The following BCL2 variants were observed in gnomAD, a reference collection of about 807,000 sequenced individuals.
BCL2 encodes the protein apoptosis regulator Bcl-2.
BCL2 carries 1 observed loss-of-function variant against 14.2 expected under a neutral mutation model. The ratio of observed to expected loss-of-function variants is 0.07; its 90% confidence interval spans 0.02 to 0.33. BCL2 has a LOEUF of 0.33. BCL2 is among the 10% of genes least tolerant of loss of function. The probability of loss-of-function intolerance (pLI) is 0.99; values close to 1 mark genes in which losing one functional copy is unlikely to be tolerated. For synonymous variants in BCL2, 151 were observed against 137.2 expected (o/e 1.10, Z -0.70); for missense variants, 247 against 305.9 (o/e 0.81, Z 1.44).
rs574239785 is a variant in BCL2 at position 63,190,736 on chromosome 18, C to T, written c.586-61977G>A. Among the ~76,000 whole-genome samples, 4 of 152,070 alleles carry T rather than the reference C, an allele frequency of 2.6e-5. No individual in the cohort carries two copies. The East Asian group carries it at 7.7e-4, about 29-fold the overall frequency. ...CTTTAAGTTCTGGGATACATGTGCA[C>T]CATGTACAGGCTTGTGACATAGGTA... On this transcript the variant is annotated intron_variant, in intron 2 of 2. Transcript: ENST00000333681.
At chr18:63,206,356 C>A (rs778880306) in intron 2 of BCL2, among the ~76,000 whole-genome samples, 1 of 152,240 alleles carries the variant, frequency 6.6e-6, no homozygotes, top group Non-Finnish European at 1.5e-5. Flanking sequence ...AGTGCACACG[C>A]TTGTCTCAAG....
At chr18:63,166,320 T>C (rs1915043416) in intron 2 of BCL2, among the ~76,000 whole-genome samples, 1 of 152,062 alleles carries the variant, frequency 6.6e-6, no homozygotes, top group African/African-American at 2.4e-5. Context: ...CGAGAGGATT[T>C]GGACTGGGGG....
intron 2 of BCL2, among the ~76,000 whole-genome samples, chr18:63,255,655 T>C (rs577685459): frequency 6.6e-6 from 1 of 152,184 alleles, no homozygotes; most frequent in African/African-American, 2.4e-5. Context: ...TACTCACTTC[T>C]TAACCTCAGT....
intron 2 of BCL2, among the ~76,000 whole-genome samples, chr18:63,150,839 ATCAGGTTT>A: frequency 6.6e-6 from 1 of 152,240 alleles, no homozygotes; most frequent in African/African-American, 2.4e-5. Context: ...AGAATGAGTT[ATCAGGTTT>A]GGGGGTGAGA....
rs1396947640 is a variant in BCL2, at chr18:63,126,087, G to A, written c.*2538C>T. 6 of 216,576 alleles carry A rather than the reference G, an allele frequency of 2.8e-5. No homozygotes were observed. Among genetic ancestry groups the A allele is most frequent in the Non-Finnish European group, 5.6e-5 (6 of 107,422 alleles). The allele number at this position is 216,576 out of a possible 1,614,324, so 13.4% of individuals were successfully genotyped here. On this transcript the variant is annotated 3_prime_UTR_variant, in exon 3 of 3. Transcript: ENST00000333681. ...GACTCCATTAAAATGATTTTGGCAGGATAGCAGCACAGGATTGGATATTCC... is the reference window on the plus strand; with the variant it reads ...GACTCCATTAAAATGATTTTGGCAGAATAGCAGCACAGGATTGGATATTCC...
At position 63,124,597 on chromosome 18, in the gene BCL2, C is replaced by T. The variant is rs1913861884; in HGVS notation, c.*4028G>A. On this transcript the variant is annotated 3_prime_UTR_variant, in exon 3 of 3. Coordinates refer to ENST00000333681, the MANE Select transcript of BCL2 (RefSeq NM_000633.3). ...GAATGTTTTACATTTAAAAATTCTT[C>T]CTCCCTCCCACCCCTCCAACAAATG... The T allele has an allele frequency of 4.3e-6, 1 of 231,938 alleles. No homozygotes were observed. Among genetic ancestry groups the T allele is most frequent in the African/African-American group, 2.2e-5 (1 of 45,148 alleles). The allele number at this position is 231,938 out of a possible 1,614,324, so 14.4% of individuals were successfully genotyped here. A position where few individuals can be genotyped will look rare whatever the true frequency, so the allele number is the denominator to read the frequency against.
chr18:63,133,679 G>A (rs922831409), intron 2 of BCL2, among the ~76,000 whole-genome samples: 1 of 152,162 alleles, frequency 6.6e-6, no homozygotes, highest in Non-Finnish European at 1.5e-5. Flanking sequence ...AATTCTAAGT[G>A]CTGAAAAGAA....
At chr18:63,210,597 T>C (rs1909971578) in intron 2 of BCL2, among the ~76,000 whole-genome samples, 1 of 152,222 alleles carries the variant, frequency 6.6e-6, no homozygotes, top group South Asian at 2.1e-4. Context: ...GAATGAAATA[T>C]AAAGAAACTG....
intron 2 of BCL2, among the ~76,000 whole-genome samples, chr18:63,293,568 G>A (rs942165332): frequency 3.3e-5 from 5 of 152,194 alleles, no homozygotes; most frequent in African/African-American, 9.7e-5. Context: ...CCTAGAAGAC[G>A]GGACAGCAGG....
At chr18:63,135,983 G>A (rs1223516718) in intron 2 of BCL2, among the ~76,000 whole-genome samples, 1 of 151,954 alleles carries the variant, frequency 6.6e-6, no homozygotes, top group Non-Finnish European at 1.5e-5. Context: ...ATCTTAGTAG[G>A]TGCTCTGATG....
chr18:63,169,295 T>TC (rs1568222386), intron 2 of BCL2, among the ~76,000 whole-genome samples: 2 of 93,744 alleles, frequency 2.1e-5, no homozygotes, highest in Admixed American at 1.1e-4. Context: ...TTTCTTTCTT[T>TC]CTTTCTTTCT....
chr18:63,267,274 G>C (rs979452857), intron 2 of BCL2, among the ~76,000 whole-genome samples: 4 of 152,208 alleles, frequency 2.6e-5, no homozygotes, highest in African/African-American at 9.7e-5. Flanking sequence ...CAAGAGTCAG[G>C]AGGACAGGTT....
At chr18:63,235,554 A>G (rs1005705370) in intron 2 of BCL2, among the ~76,000 whole-genome samples, 1 of 151,824 alleles carries the variant, frequency 6.6e-6, no homozygotes, top group Admixed American at 6.6e-5. Flanking sequence ...AAAAATATAT[A>G]TATATAGTTT....
chr18:63,217,833 C>T (rs1052490717), intron 2 of BCL2, among the ~76,000 whole-genome samples: 6 of 152,176 alleles, frequency 3.9e-5, no homozygotes, highest in Admixed American at 2.0e-4. Flanking sequence ...TTGTTTACTA[C>T]GTTCTAGGTT....
Position 63,127,546 on chromosome 18 carries a change from T to G in BCL2, c.*1079A>C, listed in dbSNP as rs918995956. On this transcript the variant is annotated 3_prime_UTR_variant, in exon 3 of 3. Coordinates refer to ENST00000333681, the MANE Select transcript of BCL2 (RefSeq NM_000633.3). The stretch of plus-strand genomic sequence containing the variant: ...CTGAGCTCCATCAGCTTCCAGACAT[T>G]CGGAGACCACACTGCCCTGTTGATC... 1 of 231,310 alleles carries G rather than the reference T, an allele frequency of 4.3e-6. No homozygotes were observed. Among genetic ancestry groups the G allele is most frequent in the Non-Finnish European group, 8.6e-6 (1 of 116,894 alleles). The allele number at this position is 231,310 out of a possible 1,614,324, so 14.3% of individuals were successfully genotyped here.
chr18:63,177,325 T>C (rs958243425), intron 2 of BCL2, among the ~76,000 whole-genome samples: 1 of 152,206 alleles, frequency 6.6e-6, no homozygotes, highest in Non-Finnish European at 1.5e-5. Context: ...AGCCATACCT[T>C]TGCATATTTT....
At chr18:63,166,424 A>T (rs2144624126) in intron 2 of BCL2, among the ~76,000 whole-genome samples, 1 of 152,290 alleles carries the variant, frequency 6.6e-6, no homozygotes, top group East Asian at 1.9e-4. Context: ...CTGACTGGGG[A>T]ACGAGGTACC....
intron 2 of BCL2, among the ~76,000 whole-genome samples, chr18:63,257,478 G>C (rs1911513198): frequency 6.6e-6 from 1 of 152,236 alleles, no homozygotes; most frequent in Non-Finnish European, 1.5e-5. Flanking sequence ...CAGAGGGCAT[G>C]CAAAGGTATA....
At chr18:63,180,591 G>C (rs1915460187) in intron 2 of BCL2, among the ~76,000 whole-genome samples, 1 of 151,640 alleles carries the variant, frequency 6.6e-6, no homozygotes, top group Non-Finnish European at 1.5e-5. Flanking sequence ...ACGGCAACGT[G>C]AATGCTTCGC....
Sources: allele counts gnomAD v4.1 joint callset (sites outside exome capture counted in the v4.1 genomes callset), GRCh38; gene constraint gnomAD v4.1.1; transcripts MANE v1.5; gene names NCBI Gene and HGNC (gene_info 2026-07-23, HGNC 2026-07-21).